Variants in CDKN3 observed in about 807,000 individuals in gnomAD.
CDKN3 encodes the protein cyclin dependent kinase inhibitor 3.
Under a neutral mutation model 36.1 loss-of-function variants are expected in CDKN3, and 19 were observed. The observed-to-expected ratio is 0.53, with a 90% confidence interval of 0.37 to 0.77. The LOEUF (loss-of-function observed/expected upper bound fraction) is 0.77. Ranked by LOEUF, CDKN3 falls within the 30% of genes least tolerant of loss-of-function variation. The pLI is 0.00. For missense variants in CDKN3, 188 were observed against 248.6 expected (o/e 0.76, Z 1.64); for synonymous variants, 71 against 85.3 (o/e 0.83, Z 0.92).
chr14:54,406,569 A>C (rs760027735), intron 3 of CDKN3, among the ~76,000 whole-genome samples: 2 of 151,700 alleles, frequency 1.3e-5, no homozygotes, highest in African/African-American at 2.4e-5. Context: ...TTTTGTCTTC[A>C]CACTTTATTT....
chr14:54,406,820 A>G (rs2139975047), intron 3 of CDKN3, among the ~76,000 whole-genome samples: 1 of 152,092 alleles, frequency 6.6e-6, no homozygotes, highest in Middle Eastern at 3.4e-3. Context: ...GTTATTACCC[A>G]CCTTCTGAAG....
rs2030349877 is a variant in CDKN3 at position 54,411,474 on chromosome 14, C to G, written c.194-10C>G. The G allele has an allele frequency of 6.2e-7, 1 of 1,602,692 alleles. No homozygotes were observed. The highest frequency in any genetic ancestry group is 2.2e-5 in the East Asian group (1 of 44,824). Reference sequence around the variant, plus strand: ...TGTGTGTGTGTCTGTGTATCCTGGTCTATTGGCAGAAGAACTAAAGAGCTG... The same window carrying G: ...TGTGTGTGTGTCTGTGTATCCTGGTGTATTGGCAGAAGAACTAAAGAGCTG... On this transcript the variant is annotated splice_polypyrimidine_tract_variant and intron_variant, in intron 4 of 7. Coordinates refer to ENST00000335183, the MANE Select transcript of CDKN3 (RefSeq NM_005192.4).
In CDKN3 at chr14:54,397,062, G is replaced by A. The variant is rs1190371499; in HGVS notation, c.-7G>A. The A allele has an allele frequency of 2.0e-6, 3 of 1,499,614 alleles. No individual in the cohort carries two copies. The highest frequency in any genetic ancestry group is 1.4e-5 in the African/African-American group (1 of 69,804). The allele number at this position is 1,499,614 out of a possible 1,614,324, so 92.9% of individuals were successfully genotyped here. On this transcript the variant is annotated 5_prime_UTR_variant, in exon 1 of 8. Transcript: ENST00000335183. ...GCGGCACTGGTCTCGACGTGGGGCGGCCAGCGATGAAGCCGGTGAGTCGGA... is the reference window on the plus strand; with the variant it reads ...GCGGCACTGGTCTCGACGTGGGGCGACCAGCGATGAAGCCGGTGAGTCGGA...
chr14:54,401,866 A>T (rs191005341), intron 3 of CDKN3, among the ~76,000 whole-genome samples: 1 of 152,192 alleles, frequency 6.6e-6, no homozygotes, highest in African/African-American at 2.4e-5. Flanking sequence ...TTTATGAGTG[A>T]GAACATATGA....
chr14:54,418,320 T>C (rs1213045199), intron 7 of CDKN3: 3 of 693,554 alleles, frequency 4.3e-6, no homozygotes, highest in Admixed American at 2.1e-5. Flanking sequence ...CGTTCTTGGG[T>C]AGATTCTTGG....
Position 54,418,000 on chromosome 14 carries a change from C to T in CDKN3, c.552+49C>T, listed in dbSNP as rs1361467761. 3 of 1,038,228 alleles carry T rather than the reference C, an allele frequency of 2.9e-6. No individual in the cohort carries two copies. In the African/African-American group the frequency reaches 4.8e-5, roughly 16 times the overall value. The allele number at this position is 1,038,228 out of a possible 1,614,324, so 64.3% of individuals were successfully genotyped here. A position where few individuals can be genotyped will look rare whatever the true frequency, so the allele number is the denominator to read the frequency against. ...TTGGTTGTGGTTGGGGTCGTTGTTA[C>T]AAATACAGATTCATGTGTAACCAAA... On this transcript the variant is annotated intron_variant, in intron 7 of 7. Transcript: ENST00000335183.
In CDKN3 at chr14:54,415,900, T is replaced by C; in HGVS notation, c.418T>C (p.Cys140Arg). 6.2e-7 allele frequency: 1 copy of C among 1,604,346 alleles called. No individual in the cohort carries two copies. Among genetic ancestry groups the C allele is most frequent in the Admixed American group, 1.7e-5 (1 of 59,976 alleles). The part of the protein sequence containing the change: ...LKNYRKTLIH[C>R]YGGLGRSCLV... ...TTCAAAACTGTATTTCCCTTTCAGC[T>C]GCTATGGAGGACTTGGGAGATCTTG... The change falls in exon 6 of 8, where the codon TGC becomes CGC. Residue 140 changes from cysteine to arginine, a missense_variant and splice_region_variant. By Grantham distance (180) the Cys-to-Arg change is radical. Coordinates refer to ENST00000335183, the MANE Select transcript of CDKN3 (RefSeq NM_005192.4).
chr14:54,398,868 T>C (rs1177790716), intron 1 of CDKN3, among the ~76,000 whole-genome samples: 1 of 152,190 alleles, frequency 6.6e-6, no homozygotes, highest in African/African-American at 2.4e-5. Flanking sequence ...GGGGATGTTT[T>C]TTGAGAAAAG....
chr14:54,412,960 G>T (rs1393208968), intron 5 of CDKN3: 1 of 471,172 alleles, frequency 2.1e-6, no homozygotes, highest in African/African-American at 2.0e-5. Flanking sequence ...CCTAGTCATA[G>T]GACAAGCCCA....
In CDKN3 at chr14:54,411,601, A is replaced by G. The variant is rs1218412579; in HGVS notation, c.311A>G (p.His104Arg). ...TACCAGCAATGTGGAATTATCACCC[A>G]TCATCATCCAATCGCAGATGGAGGG... ...DLYQQCGIIT[H>R]HHPIADGGTP... is the part of the protein sequence containing the mutation. The change falls in exon 5 of 8, where the codon CAT becomes CGT. Residue 104 changes from histidine to arginine, a missense_variant. By Grantham distance (29) the His-to-Arg change is conservative. Coordinates refer to ENST00000335183, the MANE Select transcript of CDKN3 (RefSeq NM_005192.4). 6.2e-7 allele frequency: 1 copy of G among 1,613,798 alleles called. No homozygotes were observed. Among genetic ancestry groups the G allele is most frequent in the African/African-American group, 1.3e-5 (1 of 74,952 alleles).
At position 54,420,022 on chromosome 14, in the gene CDKN3, A is replaced by G. The variant is rs1374945778; in HGVS notation, c.583A>G (p.Lys195Glu). 3 of 1,609,936 alleles carry G rather than the reference A, an allele frequency of 1.9e-6. No individual in the cohort carries two copies. Among genetic ancestry groups the G allele is most frequent in the Non-Finnish European group, 2.5e-6 (3 of 1,176,574 alleles). The change falls in exon 8 of 8, where the codon AAA becomes GAA. Residue 195 changes from lysine (K) to glutamate (E), a missense_variant. Transcript: ENST00000335183. ...QYNYLHEFRDKLAAHLSSRDS... is the reference protein window; with the variant it reads ...QYNYLHEFRDELAAHLSSRDS... ...CAATTATCTTCATGAGTTTCGGGAC[A>G]AATTAGCTGCACATCTATCATCAAG...
At chr14:54,402,426 T>A (rs2139969133) in intron 3 of CDKN3, among the ~76,000 whole-genome samples, 1 of 152,262 alleles carries the variant, frequency 6.6e-6, no homozygotes, top group East Asian at 1.9e-4. Flanking sequence ...TTTGTTTAAG[T>A]TCCTTGTAGA....
intron 4 of CDKN3, among the ~76,000 whole-genome samples, chr14:54,409,146 A>G (rs1304418707): frequency 6.6e-6 from 1 of 152,166 alleles, no homozygotes; most frequent in Admixed American, 6.5e-5. Context: ...GGTAGTAGAA[A>G]TTAAACATGA....
rs1419967363 is a variant in CDKN3, at chr14:54,397,068, G to A, written c.-1G>A. 2 of 1,501,354 alleles carry A rather than the reference G, an allele frequency of 1.3e-6. No homozygotes were observed. Among genetic ancestry groups the A allele is most frequent in the East Asian group, 5.5e-5 (2 of 36,286 alleles). 93.0% of individuals were successfully genotyped at this position (1,501,354 alleles called of 1,614,324 possible). On this transcript the variant is annotated 5_prime_UTR_variant, in exon 1 of 8. Coordinates refer to ENST00000335183, the MANE Select transcript of CDKN3 (RefSeq NM_005192.4). ...CTGGTCTCGACGTGGGGCGGCCAGC[G>A]ATGAAGCCGGTGAGTCGGACGTGCT...
chr14:54,407,246 G>A, intron 3 of CDKN3, among the ~76,000 whole-genome samples: 1 of 152,304 alleles, frequency 6.6e-6, no homozygotes, highest in South Asian at 2.1e-4. Context: ...CCTGCCGGAT[G>A]CCAGCTGGAG....
At position 54,417,859 on chromosome 14, in the gene CDKN3, C is replaced by A; in HGVS notation, c.460C>A (p.Leu154Ile). The stretch of plus-strand genomic sequence containing the variant: ...TCATGTTCCATTAGTAGCTGCTTGT[C>A]TCCTACTATACCTGTCTGACACAAT... ...LGRSCLVAACLLLYLSDTISP... is the reference protein window; with the variant it reads ...LGRSCLVAACILLYLSDTISP... Residue 154 changes from leucine (L) to isoleucine (I), a missense_variant, in exon 7 of 8, where the codon CTC becomes ATC. Transcript: ENST00000335183. 2 of 1,586,742 alleles carry A rather than the reference C, an allele frequency of 1.3e-6. No homozygotes were observed. The highest frequency in any genetic ancestry group is 2.3e-5 in the South Asian group (2 of 87,538).
rs201764161 is a variant in CDKN3, at chr14:54,404,535, TTA to T, written c.148+2958_148+2959del. On this transcript the variant is annotated intron_variant, in intron 3 of 7. Transcript: ENST00000335183. The stretch of plus-strand genomic sequence containing the variant: ...ATTCATTGATTTTTTGAATGGCTTT[TTA>T]TGTCTCTATCTCCTTCAGTTCTGCT... Among the ~76,000 whole-genome samples, 44 of 152,256 alleles carry T rather than the reference TTA, an allele frequency of 2.9e-4. 1 individual carries two copies. In the East Asian group the frequency reaches 8.1e-3, roughly 28 times the overall value.
In CDKN3 at chr14:54,415,720, C is replaced by A. The variant is rs78896395; in HGVS notation, c.417-179C>A. Among the ~76,000 whole-genome samples the A allele has an allele frequency of 7.3e-4, 111 of 152,260 alleles. No homozygotes were observed. The East Asian group carries it at 0.015, about 21-fold the overall frequency. ...TAGAGGTGTTCAGAATTCCTCCCAA[C>A]AAAGAAATAAGCACACCTTGCTCTC... is the stretch of plus-strand genomic sequence containing the variant. On this transcript the variant is annotated intron_variant, in intron 5 of 7. Coordinates refer to ENST00000335183, the MANE Select transcript of CDKN3 (RefSeq NM_005192.4).
Position 54,401,540 on chromosome 14 carries a change from G to A in CDKN3, c.109G>A (p.Val37Met). 1 of 1,609,992 alleles carries A rather than the reference G, an allele frequency of 6.2e-7. No homozygotes were observed. The highest frequency in any genetic ancestry group is 8.5e-7 in the Non-Finnish European group (1 of 1,177,786). Residue 37 changes from valine (V) to methionine (M), a missense_variant, in exon 3 of 8, where the codon GTG becomes ATG. Val to Met is a conservative substitution (Grantham distance 21). Transcript: ENST00000335183. Reference sequence around the variant, plus strand: ...TCTTTTCAGGCTATCTTTGTCACGAGTGAATTGTTCTCAGTTTCTCGGTTT... The same window carrying A: ...TCTTTTCAGGCTATCTTTGTCACGAATGAATTGTTCTCAGTTTCTCGGTTT... ...IHISWLSLSR[V>M]NCSQFLGLCA...
Sources: gnomAD v4.1 joint callset for allele counts (sites outside exome capture counted in the v4.1 genomes callset) on GRCh38, gnomAD v4.1.1 for gene constraint, MANE v1.5 for transcripts, NCBI Gene and HGNC (gene_info 2026-07-23, HGNC 2026-07-21) for gene names.